Variants in PCDHA9 observed in about 807,000 individuals in gnomAD.
The protein encoded by PCDHA9 is protocadherin alpha 9.
In PCDHA9, 62 loss-of-function variants were observed where a neutral mutation model predicts 62.0. The ratio of observed to expected loss-of-function variants is 1.00; its 90% CI spans 0.81 to 1.23. The LOEUF (loss-of-function observed/expected upper bound fraction) is 1.23. PCDHA9 is among the 50% of genes most tolerant of loss of function. The pLI is 0.00. For missense variants in PCDHA9, 1,205 were observed against 1,249.8 expected (o/e 0.96, Z 0.54); for synonymous variants, 557 against 567.6 (o/e 0.98, Z 0.27).
intron 1 of PCDHA9, among the ~76,000 whole-genome samples, chr5:140,954,144 A>G (rs560378033): frequency 2.0e-5 from 3 of 152,232 alleles, no homozygotes; most frequent in Non-Finnish European, 4.4e-5. Flanking sequence ...ATAGTATTCC[A>G]TGGTGTATAT....
At chr5:140,903,725 T>C (rs2070536820) in intron 1 of PCDHA9, among the ~76,000 whole-genome samples, 1 of 152,256 alleles carries the variant, frequency 6.6e-6, no homozygotes. Context: ...TTCTCCCTAT[T>C]ATCAATTATT....
chr5:140,996,365 T>C (rs1017086317), intron 3 of PCDHA9, among the ~76,000 whole-genome samples: 4 of 152,196 alleles, frequency 2.6e-5, no homozygotes, highest in African/African-American at 9.7e-5. Context: ...GAAGCCATTT[T>C]GTTGTCGGCT....
At chr5:140,882,844 A>G in intron 1 of PCDHA9, 1 of 1,614,248 alleles carries the variant, frequency 6.2e-7, no homozygotes, top group Non-Finnish European at 8.5e-7. Flanking sequence ...TGTCTTCATT[A>G]TCACTTGTAC....
intron 1 of PCDHA9, among the ~76,000 whole-genome samples, chr5:140,934,797 T>G (rs1045887352): frequency 2.4e-4 from 36 of 152,236 alleles, no homozygotes; most frequent in Admixed American, 1.4e-3. Context: ...CAATTATCTT[T>G]TTAATGATCA....
At position 140,850,122 on chromosome 5, in the gene PCDHA9, C is replaced by T; in HGVS notation, c.1627C>T (p.Pro543Ser). Residue 543 changes from proline (P) to serine (S), a missense_variant, in exon 1 of 4, where the codon CCG becomes TCG. Around this residue, in one of 3 missense-constraint regions of PCDHA9, gnomAD observed 887 missense variants for 809.5 expected, o/e 1.10. Coordinates refer to ENST00000532602, the MANE Select transcript of PCDHA9 (RefSeq NM_031857.2). ...FQVSARDAGV[P>S]PLGSNVTLQV... is the part of the protein sequence containing the mutation. Reference sequence around the variant, plus strand: ...GGTGAGCGCGCGCGACGCGGGCGTGCCGCCTCTGGGCAGCAACGTGACGCT... The same window carrying T: ...GGTGAGCGCGCGCGACGCGGGCGTGTCGCCTCTGGGCAGCAACGTGACGCT... 2 of 1,595,914 alleles carry T rather than the reference C, an allele frequency of 1.3e-6. No homozygotes were observed. Among genetic ancestry groups the T allele is most frequent in the Non-Finnish European group, 1.7e-6 (2 of 1,167,836 alleles).
At chr5:140,853,825 C>A (rs1465584755) in intron 1 of PCDHA9, 1 of 986,448 alleles carries the variant, frequency 1.0e-6, no homozygotes, top group Non-Finnish European at 1.2e-6. Flanking sequence ...GATTCTCATA[C>A]AACCGAAATT....
chr5:140,895,687 T>G (rs1417809630), intron 1 of PCDHA9, among the ~76,000 whole-genome samples: 2 of 152,184 alleles, frequency 1.3e-5, no homozygotes, highest in African/African-American at 4.8e-5. Flanking sequence ...GTTTTCTGTT[T>G]CTATATTAAT....
chr5:140,862,977 T>A, intron 1 of PCDHA9: 1 of 545,432 alleles, frequency 1.8e-6, no homozygotes, highest in East Asian at 4.8e-5. Context: ...GGCCACTTGG[T>A]GGCGAAGGTG....
intron 1 of PCDHA9, among the ~76,000 whole-genome samples, chr5:140,889,361 T>C (rs1005398759): frequency 2.0e-5 from 3 of 152,106 alleles, no homozygotes; most frequent in Non-Finnish European, 4.4e-5. Context: ...GATTACTGAC[T>C]CAATTTTAAT....
intron 2 of PCDHA9, among the ~76,000 whole-genome samples, chr5:140,980,627 T>C (rs1482574235): frequency 6.6e-6 from 1 of 151,860 alleles, no homozygotes; most frequent in African/African-American, 2.4e-5. Context: ...AGACTCTGTC[T>C]CAGAAGAATA....
At chr5:140,990,740 G>A (rs76434886) in intron 3 of PCDHA9, among the ~76,000 whole-genome samples, 1 of 152,170 alleles carries the variant, frequency 6.6e-6, no homozygotes, top group African/African-American at 2.4e-5. Flanking sequence ...AACAGCCCTA[G>A]GGTGGATACC....
rs1189332521 is a variant in PCDHA9, at chr5:140,850,158, G to T, written c.1663G>T (p.Val555Leu). ...LGSNVTLQVF[V>L]LDENDNAPAL... ...CAGCAACGTGACGCTGCAGGTGTTC[G>T]TGCTGGACGAGAACGACAATGCGCC... Residue 555 changes from valine to leucine, a missense_variant, in exon 1 of 4, where the codon GTG becomes TTG. This residue lies in a region of PCDHA9 where 887 missense variants were observed against 809.5 expected (regional missense o/e 1.10). Transcript: ENST00000532602. The T allele has an allele frequency of 1.9e-6, 3 of 1,595,230 alleles. No individual in the cohort carries two copies. Among genetic ancestry groups the T allele is most frequent in the African/African-American group, 2.7e-5 (2 of 74,486 alleles).
chr5:140,848,473 T>C lies in PCDHA9; in HGVS notation c.-23T>C, dbSNP rs2150410947. 9.6e-6 allele frequency: 15 copies of C among 1,556,324 alleles called. No individual in the cohort carries two copies. In the East Asian group the frequency reaches 3.4e-4, roughly 35 times the overall value. On this transcript the variant is annotated 5_prime_UTR_variant, in exon 1 of 4. It removes the in-frame stop codon of an upstream open reading frame in the 5' UTR. Transcript: ENST00000532602. ...TAATTTGGAGGCAATTTTCACTAATTAGAAGAAGACTGAGTATTTGAAATG... is the reference window on the plus strand; with the variant it reads ...TAATTTGGAGGCAATTTTCACTAATCAGAAGAAGACTGAGTATTTGAAATG...
intron 1 of PCDHA9, chr5:140,967,578 C>T (rs868970551): frequency 1.9e-6 from 3 of 1,614,000 alleles, no homozygotes; most frequent in Non-Finnish European, 2.5e-6. Flanking sequence ...GAGGACTCAC[C>T]CCCAGGCACA....
rs1554150162 is a variant in PCDHA9 at position 140,857,521 on chromosome 5, C to T, written c.2394+6632C>T. 5 of 1,598,106 alleles carry T rather than the reference C, an allele frequency of 3.1e-6. 1 individual carries two copies. In the South Asian group the frequency reaches 4.4e-5, roughly 14 times the overall value. On this transcript the variant is annotated intron_variant, in intron 1 of 3. Coordinates refer to ENST00000532602, the MANE Select transcript of PCDHA9 (RefSeq NM_031857.2). Reference sequence around the variant, plus strand: ...CGCAGGAGAACGCCCTGGTGTCCTACTCTCTGGTGGAGCGGCGGTTGGGCG... The same window carrying T: ...CGCAGGAGAACGCCCTGGTGTCCTATTCTCTGGTGGAGCGGCGGTTGGGCG...
chr5:140,923,142 T>C (rs553287064), intron 1 of PCDHA9, among the ~76,000 whole-genome samples: 9 of 152,006 alleles, frequency 5.9e-5, no homozygotes, highest in Non-Finnish European at 1.2e-4. Context: ...AGGTGGAATA[T>C]AAAAAAAATT....
At chr5:140,877,497 C>G in intron 1 of PCDHA9, 1 of 1,613,848 alleles carries the variant, frequency 6.2e-7, no homozygotes, top group South Asian at 1.1e-5. Context: ...ACGGCCAGGC[C>G]CCAAAGACGT....
chr5:140,927,409 A>G lies in PCDHA9; in HGVS notation c.2395-51540A>G. The G allele has an allele frequency of 4.3e-6, 7 of 1,614,120 alleles. No individual in the cohort carries two copies. Among genetic ancestry groups the G allele is most frequent in the Non-Finnish European group, 5.9e-6 (7 of 1,179,964 alleles). On this transcript the variant is annotated intron_variant, in intron 1 of 3. Coordinates refer to ENST00000532602, the MANE Select transcript of PCDHA9 (RefSeq NM_031857.2). ...CCCCAGTCAGCACTTTCGCCTGGAC[A>G]TGGGATCGCGGGTTGACGGCAGCGA...
chr5:140,910,551 T>G (rs1330218807), intron 1 of PCDHA9, among the ~76,000 whole-genome samples: 1 of 152,178 alleles, frequency 6.6e-6, no homozygotes, highest in East Asian at 1.9e-4. Flanking sequence ...TTGCAAAGTA[T>G]TAGTCAAGGA....
Sources: allele counts gnomAD v4.1 joint callset (sites outside exome capture counted in the v4.1 genomes callset), GRCh38; gene constraint gnomAD v4.1.1; regional missense constraint gnomAD v4.1.1; transcripts MANE v1.5; gene names NCBI Gene and HGNC (gene_info 2026-07-23, HGNC 2026-07-21).